Variants in DNAH10 observed in about 807,000 individuals in gnomAD.
DNAH10 encodes axonemal beta dynein heavy chain 10.
DNAH10 carries 348 observed loss-of-function variants against 506.6 expected under a neutral mutation model. The observed-to-expected ratio is 0.69, with a 90% CI of 0.63 to 0.75. DNAH10 has a LOEUF of 0.75. Among genes scored for constraint, DNAH10 ranks in the 30% least tolerant of loss-of-function variants. DNAH10 has a pLI of 0.00. For synonymous variants in DNAH10, 2,059 were observed against 2,198.6 expected, an observed-to-expected ratio of 0.94 and a Z score of 1.78; for missense variants, 5,179 against 5,787.1, an observed-to-expected ratio of 0.89 and a Z score of 3.41.
intron 2 of DNAH10, among the ~76,000 whole-genome samples, chr12:123,770,702 T>C (rs1188296157): frequency 6.6e-6 from 1 of 152,136 alleles, no homozygotes; most frequent in South Asian, 2.1e-4. Context: ...TGACATTGAG[T>C]TGATGCCAAA....
At position 123,917,906 on chromosome 12, in the gene DNAH10, G is replaced by T; in HGVS notation, c.11232+93G>T. The T allele has an allele frequency of 7.2e-7, 1 of 1,382,596 alleles. No homozygotes were observed. The highest frequency in any genetic ancestry group is 9.9e-7 in the Non-Finnish European group (1 of 1,013,492). The allele number at this position is 1,382,596 out of a possible 1,614,324, so 85.6% of individuals were successfully genotyped here. ...CTCTGTCTGCTCAATGAGAAAATGG[G>T]GCTCTGTGATCTCAGGGCTAAAAAC... On this transcript the variant is annotated intron_variant, in intron 64 of 78. Coordinates refer to ENST00000673944, the MANE Select transcript of DNAH10 (RefSeq NM_001372106.1). The surrounding 1 kb of genome is among the most constrained non-coding windows in gnomAD (Gnocchi z 5.6).
chr12:123,899,463 C>T (rs551321399), intron 56 of DNAH10, among the ~76,000 whole-genome samples: 39 of 152,216 alleles, frequency 2.6e-4, no homozygotes, highest in African/African-American at 7.9e-4. Context: ...CCTGCTGGTC[C>T]GTGTTCGTGT....
At chr12:123,893,706 T>A (rs887255259) in intron 53 of DNAH10, among the ~76,000 whole-genome samples, 2 of 152,170 alleles carry the variant, frequency 1.3e-5, no homozygotes, top group Non-Finnish European at 2.9e-5. Context: ...CTTCCTTCCA[T>A]TTGGGAAAAT....
intron 11 of DNAH10, 125 bp from the exon 12 acceptor site, chr12:123,793,817 T>C (rs2136236901): frequency 1.4e-6 from 1 of 700,800 alleles, no homozygotes; most frequent in Non-Finnish European, 1.9e-6. Context: ...TGGATACCAG[T>C]TTCCATTACT....
intron 11 of DNAH10, among the ~76,000 whole-genome samples, chr12:123,790,847 G>A (rs1216151177): frequency 6.6e-6 from 1 of 152,186 alleles, no homozygotes; most frequent in Admixed American, 6.5e-5. Context: ...ATTATAGGTC[G>A]GGTGTAGCGG....
chr12:123,803,614 A>G, intron 16 of DNAH10, 47 bp from the exon 17 acceptor site: 3 of 1,469,262 alleles, frequency 2.0e-6, no homozygotes, highest in Non-Finnish European at 2.7e-6. Context: ...GGATGTGGAA[A>G]GACAGAGTTG....
chr12:123,786,064 T>TC, intron 9 of DNAH10, 128 bp downstream of exon 9: 1 of 1,132,286 alleles, frequency 8.8e-7, no homozygotes. Context: ...ATTCACTGGC[T>TC]CTTATGGCTG....
chr12:123,829,516 T>C (rs1960314917), intron 25 of DNAH10, among the ~76,000 whole-genome samples: 1 of 152,100 alleles, frequency 6.6e-6, no homozygotes, highest in South Asian at 2.1e-4. Flanking sequence ...CGTTCAGTGG[T>C]GAGACCTTCA....
intron 47 of DNAH10, among the ~76,000 whole-genome samples, chr12:123,875,995 C>T (rs987281003): frequency 4.6e-5 from 7 of 152,328 alleles, no homozygotes; most frequent in South Asian, 4.1e-4. Flanking sequence ...AGCAGCTACT[C>T]ATTGGTTACT....
At chr12:123,803,143 A>T (rs1284824174) in intron 16 of DNAH10, among the ~76,000 whole-genome samples, 1 of 152,204 alleles carries the variant, frequency 6.6e-6, no homozygotes, top group Non-Finnish European at 1.5e-5. Context: ...TCGAAGAATC[A>T]TAAGTTTTTT....
rs370250062 is a variant in DNAH10 at position 123,917,052 on chromosome 12, A to AT, written c.11002+326dup. ...TTTAAAATACATGTTGTGATGTTGA[A>AT]TTTTTTTTTTCTTCCTCTCAGTTGA... is the stretch of plus-strand genomic sequence containing the variant. On this transcript the variant is annotated intron_variant, in intron 63 of 78. Coordinates refer to ENST00000673944, the MANE Select transcript of DNAH10 (RefSeq NM_001372106.1). The surrounding 1 kb of genome is among the most constrained non-coding windows in gnomAD (Gnocchi z 5.6). Among the ~76,000 whole-genome samples, 4 of 150,490 alleles carry AT rather than the reference A, an allele frequency of 2.7e-5. No homozygotes were observed. The highest frequency in any genetic ancestry group is 3.0e-5 in the Non-Finnish European group (2 of 67,522).
At chr12:123,770,266 A>T (rs905090162) in intron 2 of DNAH10, among the ~76,000 whole-genome samples, 15 of 151,428 alleles carry the variant, frequency 9.9e-5, no homozygotes, top group African/African-American at 3.4e-4. Context: ...TTTTTTTTTA[A>T]AATTTTTTTT....
chr12:123,879,855 A>C (rs1952426342), intron 50 of DNAH10, 54 bp downstream of exon 50: 1 of 1,583,524 alleles, frequency 6.3e-7, no homozygotes, highest in Non-Finnish European at 8.6e-7. Flanking sequence ...AGCATGGGCC[A>C]AGCGGGAGCT....
chr12:123,931,610 T>G, intron 74 of DNAH10, 26 bp from the exon 75 acceptor site: 1 of 1,611,632 alleles, frequency 6.2e-7, no homozygotes, highest in Non-Finnish European at 8.5e-7. Context: ...ATGCCTTGCT[T>G]TCTCTGAAAA....
In DNAH10 at chr12:123,928,595, T is replaced by C; in HGVS notation, c.12306+8T>C. 6.3e-7 allele frequency: 1 copy of C among 1,588,930 alleles called. No homozygotes were observed. Among genetic ancestry groups the C allele is most frequent in the Non-Finnish European group, 8.6e-7 (1 of 1,167,608 alleles). On this transcript the variant is annotated splice_region_variant and intron_variant, in intron 70 of 78. Transcript: ENST00000673944. This position sits in a 1 kb window ranked among gnomAD's most constrained non-coding sequence, Gnocchi z 4.9. ...CTGCAGAAGTCCCTAAAGGTCTGGC[T>C]TCAGGATGGACATCAACATGCCAGC... is the stretch of plus-strand genomic sequence containing the variant.
intron 22 of DNAH10, 31 bp from the exon 23 acceptor site, chr12:123,819,117 G>A: frequency 6.2e-7 from 1 of 1,606,264 alleles, no homozygotes; most frequent in South Asian, 1.1e-5. Context: ...AACGTATTTG[G>A]GCTAAATTAA....
intron 35 of DNAH10, 139 bp downstream of exon 35, chr12:123,851,215 C>T (rs1193077999): frequency 3.4e-6 from 3 of 870,668 alleles, no homozygotes; most frequent in Non-Finnish European, 1.6e-6. Context: ...TGTGGCTCTT[C>T]CAGATGGGAC....
chr12:123,804,945 C>G lies in DNAH10; in HGVS notation c.2892C>G (p.Val964=), dbSNP rs746978755. 4.3e-6 allele frequency: 7 copies of G among 1,614,160 alleles called. No individual in the cohort carries two copies. The African/African-American group carries it at 6.7e-5, about 15-fold the overall frequency. ...GPLLTKVEGL[V]VHTNTGKAPK... ...TGCTGACCAAAGTTGAGGGCCTGGTCGTCCACACCAACACAGGCAAGGCCC... is the reference window on the plus strand; with the variant it reads ...TGCTGACCAAAGTTGAGGGCCTGGTGGTCCACACCAACACAGGCAAGGCCC... Residue 964 remains valine (V), a synonymous_variant, in exon 18 of 79, where the codon GTC becomes GTG. Transcript: ENST00000673944.
intron 41 of DNAH10, among the ~76,000 whole-genome samples, 156 bp downstream of exon 41, chr12:123,866,229 CTTTTT>C (rs71088963): frequency 5.2e-5 from 3 of 58,210 alleles, no homozygotes; most frequent in Non-Finnish European, 9.3e-5. Context: ...GGCAGACACA[CTTTTT>C]TTTTTTTTTT....
Sources: gnomAD v4.1 joint callset for allele counts (sites outside exome capture counted in the v4.1 genomes callset) on GRCh38, gnomAD v4.1.1 for gene constraint, Gnocchi (gnomAD v3.1) non-coding constraint, MANE v1.5 for transcripts, NCBI Gene and HGNC (gene_info 2026-07-23, HGNC 2026-07-21) for gene names.